Variants in RGS6 observed in about 807,000 individuals in gnomAD.
RGS6 encodes the protein regulator of G-protein signaling 6.
RGS6 carries 30 observed loss-of-function variants against 78.5 expected under a neutral mutation model. That is an observed-to-expected ratio of 0.38 (90% confidence interval 0.29 to 0.52). The LOEUF (loss-of-function observed/expected upper bound fraction) is 0.52, where lower values mean the gene tolerates loss of function less well. Ranked by LOEUF, RGS6 falls within the 20% of genes least tolerant of loss-of-function variation. The pLI is 0.85. For missense variants in RGS6, 495 were observed against 609.7 expected, an observed-to-expected ratio of 0.81 and a Z score of 1.98; for synonymous variants, 206 against 206.0, an observed-to-expected ratio of 1.00 and a Z score of 0.00.
intron 2 of RGS6, among the ~76,000 whole-genome samples, chr14:72,255,804 ACTT>A (rs1439358016): frequency 6.6e-6 from 1 of 152,226 alleles, no homozygotes; most frequent in African/African-American, 2.4e-5. Flanking sequence ...ATTTTTTATC[ACTT>A]CTTACTAAAT....
At chr14:71,983,476 C>T (rs1416660521) in intron 2 of RGS6, among the ~76,000 whole-genome samples, 1 of 152,214 alleles carries the variant, frequency 6.6e-6, no homozygotes, top group African/African-American at 2.4e-5. Context: ...TATTCTGTCA[C>T]AGTTCAGGAG....
At chr14:72,629,824 G>T in the RGS6 span, 1 of 1,101,058 alleles carries the variant, frequency 9.1e-7, no homozygotes, top group Non-Finnish European at 1.3e-6. Flanking sequence ...TTGATGCCCA[G>T]TGTGCAGGCA....
chr14:72,403,203 G>T (rs2092625141), intron 3 of RGS6, among the ~76,000 whole-genome samples: 1 of 152,122 alleles, frequency 6.6e-6, no homozygotes, highest in African/African-American at 2.4e-5. Flanking sequence ...ATCAACCTAA[G>T]TGTCCATCGA....
intron 2 of RGS6, among the ~76,000 whole-genome samples, chr14:72,259,709 C>T (rs1387751261): frequency 1.3e-5 from 2 of 151,790 alleles, no homozygotes; most frequent in Admixed American, 1.3e-4. Context: ...AGATCGACAC[C>T]ATCCTGGCTA....
chr14:71,930,473 T>C (rs896705233), upstream of RGS6, among the ~76,000 whole-genome samples: 4 of 152,164 alleles, frequency 2.6e-5, no homozygotes, highest in Non-Finnish European at 5.9e-5. Flanking sequence ...GAAACCATAC[T>C]ACATAGATAT....
At chr14:72,547,159 C>T (rs1237275705) in intron 17 of RGS6, 1 of 1,534,288 alleles carries the variant, frequency 6.5e-7, no homozygotes, top group South Asian at 1.2e-5. Flanking sequence ...CTGCCTAGGA[C>T]AGAGCCTGCC....
intron 2 of RGS6, among the ~76,000 whole-genome samples, chr14:72,329,128 C>T (rs1425253537): frequency 6.6e-6 from 1 of 152,238 alleles, no homozygotes; most frequent in Non-Finnish European, 1.5e-5. Context: ...CCCACCTCAG[C>T]CTCCCAAAGT....
At chr14:72,259,950 T>C (rs2057839064) in intron 2 of RGS6, among the ~76,000 whole-genome samples, 1 of 143,796 alleles carries the variant, frequency 7.0e-6, no homozygotes. Context: ...AACGAGAGTC[T>C]CAAATAGCTA....
At chr14:72,243,754 C>CT (rs772601683) in intron 2 of RGS6, among the ~76,000 whole-genome samples, 401 of 145,792 alleles carry the variant, frequency 2.8e-3, no homozygotes, top group Middle Eastern at 0.011. Flanking sequence ...GGAAAAGCAC[C>CT]TTTTTTTTTT....
At chr14:72,298,032 A>G (rs1299807724) in intron 2 of RGS6, among the ~76,000 whole-genome samples, 1 of 152,114 alleles carries the variant, frequency 6.6e-6, no homozygotes, top group Non-Finnish European at 1.5e-5. Context: ...ATATTACTTA[A>G]TATTACATAC....
At chr14:72,397,319 TG>T (rs1596778874) in intron 3 of RGS6, among the ~76,000 whole-genome samples, 1 of 152,078 alleles carries the variant, frequency 6.6e-6, no homozygotes, top group Admixed American at 6.6e-5. Context: ...CAATTGTGAA[TG>T]GGAGTTCACT....
At chr14:72,473,675 C>T (rs778645491) in intron 9 of RGS6, among the ~76,000 whole-genome samples, 122 of 152,154 alleles carry the variant, frequency 8.0e-4, no homozygotes, top group Non-Finnish European at 1.5e-3. Context: ...ACTGAATTAG[C>T]GCACATTGAA....
At chr14:72,196,627 C>T (rs1361049074) in intron 2 of RGS6, among the ~76,000 whole-genome samples, 10 of 152,222 alleles carry the variant, frequency 6.6e-5, no homozygotes, top group Admixed American at 1.3e-4. Context: ...AATATGTGTA[C>T]CACAGAATTT....
At chr14:72,376,241 A>G (rs1181193128) in intron 3 of RGS6, among the ~76,000 whole-genome samples, 1 of 152,224 alleles carries the variant, frequency 6.6e-6, no homozygotes, top group Non-Finnish European at 1.5e-5. Flanking sequence ...CTTCAACACC[A>G]GACTAGACCA....
chr14:71,961,808 A>G (rs1595288058), intron 1 of RGS6, among the ~76,000 whole-genome samples: 1 of 152,164 alleles, frequency 6.6e-6, no homozygotes, highest in East Asian at 1.9e-4. Flanking sequence ...TACTGTGTGT[A>G]TATATATGTA....
chr14:72,253,871 A>T (rs2056448510), intron 2 of RGS6, among the ~76,000 whole-genome samples: 1 of 152,212 alleles, frequency 6.6e-6, no homozygotes, highest in Admixed American at 6.5e-5. Flanking sequence ...ACTGCAGCAT[A>T]TATAACTGCG....
intron 2 of RGS6, among the ~76,000 whole-genome samples, chr14:72,293,567 C>T (rs973597187): frequency 4.0e-5 from 6 of 151,608 alleles, no homozygotes; most frequent in African/African-American, 1.5e-4. Flanking sequence ...TCCATATATT[C>T]TTAGAATCCA....
chr14:72,035,869 A>G (rs925105660), intron 2 of RGS6, among the ~76,000 whole-genome samples: 2 of 152,198 alleles, frequency 1.3e-5, no homozygotes, highest in Non-Finnish European at 2.9e-5. Context: ...TTACTTTTTA[A>G]ATAAACATAT....
At chr14:72,193,040 T>C (rs536110464) in intron 2 of RGS6, among the ~76,000 whole-genome samples, 3 of 151,504 alleles carry the variant, frequency 2.0e-5, no homozygotes, top group African/African-American at 7.3e-5. Flanking sequence ...TCACTCAGGC[T>C]GGAGTGCAGT....
Sources: allele counts gnomAD v4.1 joint callset (sites outside exome capture counted in the v4.1 genomes callset), GRCh38; gene constraint gnomAD v4.1.1; transcripts MANE v1.5; gene names NCBI Gene and HGNC (gene_info 2026-07-23, HGNC 2026-07-21).